The following SLCO1B3 variants were observed in gnomAD, a reference collection of about 807,000 sequenced individuals.
SLCO1B3 encodes solute carrier organic anion transporter family member 1B3.
SLCO1B3 carries 72 observed loss-of-function variants against 71.8 expected under a neutral mutation model. The observed-to-expected ratio is 1.00, with a 90% CI of 0.83 to 1.22. The LOEUF (loss-of-function observed/expected upper bound fraction) is 1.22, where lower values mean the gene tolerates loss of function less well. Among genes scored for constraint, SLCO1B3 ranks in the 50% most tolerant of loss-of-function variants. The probability of loss-of-function intolerance (pLI) is 0.00; values close to 1 mark genes in which losing one functional copy is unlikely to be tolerated. For synonymous variants in SLCO1B3, 298 were observed against 278.4 expected, an observed-to-expected ratio of 1.07 and a Z score of -0.70; for missense variants, 911 against 819.7, an observed-to-expected ratio of 1.11 and a Z score of -1.36.
At chr12:20,815,045 A>G (rs1054988551) in intron 2 of SLCO1B3, among the ~76,000 whole-genome samples, 1 of 146,678 alleles carries the variant, frequency 6.8e-6, no homozygotes, top group Non-Finnish European at 1.5e-5. Flanking sequence ...ATAAGTGGAT[A>G]AACCCTAAAT....
At chr12:20,890,512 G>A (rs946624634) in intron 13 of SLCO1B3, among the ~76,000 whole-genome samples, 1 of 152,150 alleles carries the variant, frequency 6.6e-6, no homozygotes, top group African/African-American at 2.4e-5. Flanking sequence ...TCTGTAAAAT[G>A]TTCTGTAAAA....
At chr12:20,812,794 T>C (rs1420512692) in intron 1 of SLCO1B3, among the ~76,000 whole-genome samples, 1 of 152,172 alleles carries the variant, frequency 6.6e-6, no homozygotes, top group Non-Finnish European at 1.5e-5. Flanking sequence ...TCTTCAAGCC[T>C]TCAAGAATAT....
At position 20,846,695 on chromosome 12, in the gene SLCO1B3, A is replaced by T. The variant is rs111516832; in HGVS notation, c.85-8333A>T. On this transcript the variant is annotated intron_variant, in intron 3 of 15. Transcript: ENST00000381545. Reference sequence around the variant, plus strand: ...AACAGGATTTGAGTCATGCAGGTGTAGTCAAGTCTAAGCTTCTACTGGAAA... The same window carrying T: ...AACAGGATTTGAGTCATGCAGGTGTTGTCAAGTCTAAGCTTCTACTGGAAA... Among the ~76,000 whole-genome samples, 9 of 152,312 alleles carry T rather than the reference A, an allele frequency of 5.9e-5. No homozygotes were observed. In the South Asian group the frequency reaches 1.0e-3, roughly 18 times the overall value.
At chr12:20,903,447 T>C (rs1039667502) in intron 15 of SLCO1B3, among the ~76,000 whole-genome samples, 1 of 152,140 alleles carries the variant, frequency 6.6e-6, no homozygotes, top group Non-Finnish European at 1.5e-5. Context: ...GGGTAATTCA[T>C]GAAGAAAAGA....
chr12:20,914,975 C>T (rs1866464189), intron 15 of SLCO1B3, among the ~76,000 whole-genome samples: 1 of 151,906 alleles, frequency 6.6e-6, no homozygotes, highest in South Asian at 2.1e-4. Flanking sequence ...AAATAACAAA[C>T]CTATGCATAG....
At position 20,875,273 on chromosome 12, in the gene SLCO1B3, G is replaced by A. The variant is rs1038369572; in HGVS notation, c.766G>A (p.Gly256Arg). Residue 256 changes from glycine to arginine, a missense_variant, in exon 9 of 16, where the codon GGA becomes AGA. Physicochemically the swap from Gly to Arg is moderately radical, Grantham distance 125. Coordinates refer to ENST00000381545, the MANE Select transcript of SLCO1B3 (RefSeq NM_019844.4). ...RITPKDSRWV[G>R]AWWLGFLVSG... Reference sequence around the variant, plus strand: ...AACTCCTAAGGACTCTCGTTGGGTTGGAGCTTGGTGGCTTGGTTTCCTTGT... The same window carrying A: ...AACTCCTAAGGACTCTCGTTGGGTTAGAGCTTGGTGGCTTGGTTTCCTTGT... 2.5e-6 allele frequency: 4 copies of A among 1,613,078 alleles called. 1 individual carries two copies. The highest frequency in any genetic ancestry group is 3.4e-6 in the Non-Finnish European group (4 of 1,179,594).
rs767730020 is a variant in SLCO1B3 at position 20,875,363 on chromosome 12, C to T, written c.856C>T (p.Pro286Ser). ...TTTCTTGCCGAAAAATCCAAATAAA[C>T]CACAAAAAGAAAGAAAAATTTCACT... ...FFFLPKNPNK[P>S]QKERKISLSL... Residue 286 changes from proline to serine, a missense_variant, in exon 9 of 16, where the codon CCA becomes TCA. Transcript: ENST00000381545. The T allele has an allele frequency of 6.2e-7, 1 of 1,611,844 alleles. No homozygotes were observed. Among genetic ancestry groups the T allele is most frequent in the African/African-American group, 1.3e-5 (1 of 74,644 alleles).
chr12:20,897,657 G>T (rs1355552854), intron 13 of SLCO1B3, among the ~76,000 whole-genome samples: 1 of 152,046 alleles, frequency 6.6e-6, no homozygotes, highest in African/African-American at 2.4e-5. Context: ...AACACTTCGA[G>T]GAGAAAAAAA....
In SLCO1B3 at chr12:20,909,165, CT is replaced by C. The variant is rs1006708034; in HGVS notation, c.1866-6821del. 8.7e-3 allele frequency among the ~76,000 whole-genome samples: 1,078 copies of C among 123,856 alleles called. 4 individuals are homozygous for C. The highest frequency in any genetic ancestry group is 0.013 in the Non-Finnish European group (784 of 58,898). 81.3% of individuals were successfully genotyped at this position (123,856 alleles called of 152,430 possible). ...GACATAAGATGTGAAGCATCTTTTT[CT>C]TTTTTTTTTTTTTTTTTGAGACAGA... On this transcript the variant is annotated intron_variant, in intron 15 of 15. Coordinates refer to ENST00000381545, the MANE Select transcript of SLCO1B3 (RefSeq NM_019844.4).
At chr12:20,862,607 C>A (rs1865290717) in intron 7 of SLCO1B3, 49 bp downstream of exon 7, 1 of 1,521,032 alleles carries the variant, frequency 6.6e-7, no homozygotes, top group African/African-American at 1.4e-5. Flanking sequence ...CCTGGATCTA[C>A]CCTTGAAATA....
chr12:20,885,844 C>T (rs1215717565), intron 13 of SLCO1B3, among the ~76,000 whole-genome samples: 1 of 151,968 alleles, frequency 6.6e-6, no homozygotes, highest in Non-Finnish European at 1.5e-5. Context: ...TGTTCAGAAG[C>T]CCCAGAGGGT....
chr12:20,869,272 C>G (rs916004608), intron 8 of SLCO1B3, among the ~76,000 whole-genome samples: 4 of 152,222 alleles, frequency 2.6e-5, no homozygotes, highest in Non-Finnish European at 4.4e-5. Context: ...GAACAAGGAG[C>G]CCTTCTGGTG....
chr12:20,850,838 G>A (rs1477909126), intron 3 of SLCO1B3, among the ~76,000 whole-genome samples: 1 of 152,158 alleles, frequency 6.6e-6, no homozygotes, highest in Non-Finnish European at 1.5e-5. Flanking sequence ...CAATTGCTGG[G>A]TTGAATGATA....
chr12:20,813,332 C>T (rs1435199775), intron 1 of SLCO1B3, among the ~76,000 whole-genome samples, 192 bp from the exon 2 acceptor site: 1 of 152,146 alleles, frequency 6.6e-6, no homozygotes, highest in Admixed American at 6.5e-5. Context: ...TGTCTAAACA[C>T]TAAAATTTGT....
rs762773988 is a variant in SLCO1B3, at chr12:20,858,586, G to C, written c.359+15G>C. On this transcript the variant is annotated intron_variant, in intron 5 of 15. Transcript: ENST00000381545. Reference sequence around the variant, plus strand: ...TTCATGGGATAGTAAGTGTTAAACAGCTCTGAGCCATTTATTATCAGCTAC... The same window carrying C: ...TTCATGGGATAGTAAGTGTTAAACACCTCTGAGCCATTTATTATCAGCTAC... 1 of 1,583,582 alleles carries C rather than the reference G, an allele frequency of 6.3e-7. No individual in the cohort carries two copies. Among genetic ancestry groups the C allele is most frequent in the Admixed American group, 1.9e-5 (1 of 53,822 alleles).
intron 3 of SLCO1B3, among the ~76,000 whole-genome samples, chr12:20,818,195 A>C (rs1408428208): frequency 2.0e-5 from 3 of 152,150 alleles, no homozygotes; most frequent in Non-Finnish European, 4.4e-5. Flanking sequence ...ACTTCTGAGA[A>C]GGGAAAGTGG....
At chr12:20,875,122 C>A in intron 8 of SLCO1B3, 113 bp from the exon 9 acceptor site, 2 of 1,270,504 alleles carry the variant, frequency 1.6e-6, no homozygotes, top group Non-Finnish European at 2.2e-6. Flanking sequence ...TGAAAGTAAA[C>A]ATTTGGTTTA....
intron 15 of SLCO1B3, among the ~76,000 whole-genome samples, chr12:20,913,426 T>G (rs900291120): frequency 6.6e-6 from 1 of 152,226 alleles, no homozygotes; most frequent in Non-Finnish European, 1.5e-5. Flanking sequence ...TCTTTGCAGC[T>G]CTATCATTTT....
chr12:20,849,163 T>A (rs12815466), intron 3 of SLCO1B3, among the ~76,000 whole-genome samples: 109,570 of 151,408 alleles, frequency 0.72, 42,228 homozygotes, highest in South Asian at 0.9. Context: ...TATTAAAAAA[T>A]TTTTCAAGAA....
Sources: allele counts gnomAD v4.1 joint callset (sites outside exome capture counted in the v4.1 genomes callset), GRCh38; gene constraint gnomAD v4.1.1; transcripts MANE v1.5; gene names NCBI Gene and HGNC (gene_info 2026-07-23, HGNC 2026-07-21).